Variants in GCLM observed in about 807,000 individuals in gnomAD.
GCLM encodes glutamate-cysteine ligase modifier subunit.
In GCLM, 15 loss-of-function variants were observed where a neutral mutation model predicts 36.0. The observed-to-expected ratio is 0.42, with a 90% confidence interval of 0.28 to 0.64. The LOEUF is 0.64. Ranked by LOEUF, GCLM falls within the 30% of genes least tolerant of loss-of-function variation. GCLM has a pLI of 0.25. For synonymous variants in GCLM, 129 were observed against 122.8 expected (o/e 1.05, Z -0.34); for missense variants, 242 against 325.5 (o/e 0.74, Z 1.97).
intron 6 of GCLM, among the ~76,000 whole-genome samples, chr1:93,890,523 C>A (rs966043506): frequency 1.3e-5 from 2 of 152,060 alleles, no homozygotes; most frequent in Non-Finnish European, 2.9e-5. Context: ...TCCATAAAAA[C>A]CCTTTCTAAA....
Position 93,894,653 on chromosome 1 carries a change from G to GT in GCLM, c.615dup (p.Gln206ThrfsTer3), listed in dbSNP as rs760114834. 1 of 1,608,644 alleles carries GT rather than the reference G, an allele frequency of 6.2e-7. No individual in the cohort carries two copies. The highest frequency in any genetic ancestry group is 8.5e-7 in the Non-Finnish European group (1 of 1,175,218). ...TGAGTCAACAGCTGTATGTCAAATT[G>GT]TTTAGCAAATGCAGTCAAATCTGGT... On this transcript the variant is annotated frameshift_variant, in exon 6 of 7. Transcript: ENST00000370238. LOFTEE classifies it high-confidence loss of function.
chr1:93,907,771 G>A (rs1657198330), intron 1 of GCLM, among the ~76,000 whole-genome samples: 2 of 152,194 alleles, frequency 1.3e-5, no homozygotes, highest in South Asian at 4.1e-4. Flanking sequence ...ATATGGTACA[G>A]ACTCAGATTC....
At chr1:93,899,709 T>C (rs1656875183) in intron 3 of GCLM, among the ~76,000 whole-genome samples, 1 of 152,180 alleles carries the variant, frequency 6.6e-6, no homozygotes, top group Admixed American at 6.5e-5. Flanking sequence ...CAACATAGGA[T>C]GCTATTATTA....
intron 5 of GCLM, 61 bp from the exon 6 acceptor site, chr1:93,894,789 A>G: frequency 1.3e-6 from 1 of 753,852 alleles, no homozygotes; most frequent in Non-Finnish European, 2.4e-6. Context: ...CAAAAGTAGA[A>G]AGCAATAAGC....
At chr1:93,894,959 A>AC (rs1373286212) in intron 5 of GCLM, among the ~76,000 whole-genome samples, 10 of 151,396 alleles carry the variant, frequency 6.6e-5, no homozygotes, top group Non-Finnish European at 1.5e-4. Flanking sequence ...TTCCCTATGT[A>AC]ATAGGGAAAG....
rs920893325 is a variant in GCLM at position 93,904,281 on chromosome 1, C to A, written c.192+242G>T. 58 of 462,262 alleles carry A rather than the reference C, an allele frequency of 1.3e-4. 3 individuals carry two copies. Among genetic ancestry groups the A allele is most frequent in the Admixed American group, 5.0e-4 (13 of 26,042 alleles). The allele number at this position is 462,262 out of a possible 1,614,324, so 28.6% of individuals were successfully genotyped here. On this transcript the variant is annotated intron_variant, in intron 2 of 6. Transcript: ENST00000370238. ...AAATAAAACACTGATAGTGAGGAAA[C>A]CATGGTGAGAATTAAGCATGAGAAT...
At position 93,901,577 on chromosome 1, in the gene GCLM, G is replaced by A; in HGVS notation, c.277+8C>T. On this transcript the variant is annotated splice_region_variant and intron_variant, in intron 3 of 6. Coordinates refer to ENST00000370238, the MANE Select transcript of GCLM (RefSeq NM_002061.4). Reference sequence around the variant, plus strand: ...GTAACAAAATAAACAGAAAAGACTGGACTTTACCAGAAACTTTCATTTCTT... The same window carrying A: ...GTAACAAAATAAACAGAAAAGACTGAACTTTACCAGAAACTTTCATTTCTT... The A allele has an allele frequency of 7.0e-7, 1 of 1,420,308 alleles. No individual in the cohort carries two copies. Among genetic ancestry groups the A allele is most frequent in the Non-Finnish European group, 9.9e-7 (1 of 1,006,920 alleles). 88.0% of individuals were successfully genotyped at this position (1,420,308 alleles called of 1,614,324 possible). A position where few individuals can be genotyped will look rare whatever the true frequency, so the allele number is the denominator to read the frequency against.
Position 93,894,697 on chromosome 1 carries a change from G to C in GCLM, c.572C>G (p.Ala191Gly). Residue 191 changes from alanine (A) to glycine (G), a missense_variant, in exon 6 of 7, where the codon GCC becomes GGC. By Grantham distance (60) the Ala-to-Gly change is moderately conservative. Coordinates refer to ENST00000370238, the MANE Select transcript of GCLM (RefSeq NM_002061.4). ...ATCTGGTGGCATCACACAGCAGGAGGCAAGATTAACTTGGTTACTATTTGG... is the reference window on the plus strand; with the variant it reads ...ATCTGGTGGCATCACACAGCAGGAGCCAAGATTAACTTGGTTACTATTTGG... ...VKPNSNQVNL[A>G]SCCVMPPDLT... The C allele has an allele frequency of 6.2e-7, 1 of 1,608,666 alleles. No individual in the cohort carries two copies. The highest frequency in any genetic ancestry group is 8.5e-7 in the Non-Finnish European group (1 of 1,175,320).
chr1:93,903,375 A>T (rs1215431346), intron 2 of GCLM, among the ~76,000 whole-genome samples: 1 of 151,552 alleles, frequency 6.6e-6, no homozygotes, highest in Non-Finnish European at 1.5e-5. Context: ...CAGTGGTGTG[A>T]TCTCAGCTCA....
Position 93,894,640 on chromosome 1 carries a change from T to G in GCLM, c.629A>C (p.Gln210Pro). ...TTTTGGATCATTGTGAGTCAACAGC[T>G]GTATGTCAAATTGTTTAGCAAATGC... ...LTAFAKQFDI[Q>P]LLTHNDPKEL... The change falls in exon 6 of 7, where the codon CAG becomes CCG. Residue 210 changes from glutamine (Q) to proline (P), a missense_variant. Gln to Pro is a moderately conservative substitution (Grantham distance 76, BLOSUM62 -1). Coordinates refer to ENST00000370238, the MANE Select transcript of GCLM (RefSeq NM_002061.4). 2 of 1,595,184 alleles carry G rather than the reference T, an allele frequency of 1.3e-6. No homozygotes were observed. The highest frequency in any genetic ancestry group is 1.7e-6 in the Non-Finnish European group (2 of 1,162,982).
chr1:93,897,506 AT>A (rs1047495283), intron 4 of GCLM, among the ~76,000 whole-genome samples: 1 of 149,722 alleles, frequency 6.7e-6, no homozygotes, highest in Non-Finnish European at 1.5e-5. Flanking sequence ...ATATACTTGG[AT>A]TTTTTTTGGA....
intron 2 of GCLM, among the ~76,000 whole-genome samples, chr1:93,903,784 G>A (rs1164391487): frequency 6.6e-6 from 1 of 152,088 alleles, no homozygotes; most frequent in Non-Finnish European, 1.5e-5. Flanking sequence ...ATCATACAAA[G>A]TAAACGGCAA....
At chr1:93,902,470 G>A (rs757389722) in intron 2 of GCLM, among the ~76,000 whole-genome samples, 12 of 150,988 alleles carry the variant, frequency 7.9e-5, no homozygotes, top group Non-Finnish European at 1.6e-4. Context: ...GAGCCACCGC[G>A]CCCAGCCTGT....
At chr1:93,906,784 T>C (rs1359163666) in intron 1 of GCLM, among the ~76,000 whole-genome samples, 1 of 152,184 alleles carries the variant, frequency 6.6e-6, no homozygotes, top group Non-Finnish European at 1.5e-5. Context: ...CCAATATCAC[T>C]GAGTATAAGC....
chr1:93,909,023 T>G lies in GCLM; in HGVS notation c.126+15A>C. On this transcript the variant is annotated intron_variant, in intron 1 of 6. Coordinates refer to ENST00000370238, the MANE Select transcript of GCLM (RefSeq NM_002061.4). ...CCTGCCCCGGGAGCCCCGCGGCGAG[T>G]GTCGCCACGCTCACCTCCTCGCTGT... The G allele has an allele frequency of 2.1e-6, 3 of 1,451,784 alleles. No homozygotes were observed. The highest frequency in any genetic ancestry group is 2.7e-6 in the Non-Finnish European group (3 of 1,106,328). 89.9% of individuals were successfully genotyped at this position (1,451,784 alleles called of 1,614,324 possible).
chr1:93,892,536 T>C (rs914006216), intron 6 of GCLM, among the ~76,000 whole-genome samples: 5 of 152,112 alleles, frequency 3.3e-5, no homozygotes, highest in African/African-American at 1.2e-4. Context: ...TCATTATAGA[T>C]TAAAGTGTCT....
intron 2 of GCLM, 119 bp downstream of exon 2, chr1:93,904,404 A>G: frequency 1.4e-6 from 1 of 711,100 alleles, no homozygotes. Context: ...CAAATCAACC[A>G]CAGAGAGTTT....
In GCLM at chr1:93,909,207, G is replaced by GGGCGGGCAGGCA; in HGVS notation, c.-56_-45dup. 1 of 1,160,792 alleles carries GGGCGGGCAGGCA rather than the reference G, an allele frequency of 8.6e-7. No homozygotes were observed. 71.9% of individuals were successfully genotyped at this position (1,160,792 alleles called of 1,614,324 possible). ...GCCGCGCAGCGAAGGGGCTGCGGGC[G>GGGCGGGCAGGCA]GGCGGGCAGGCAGGCGGCCGCCCCA... On this transcript the variant is annotated 5_prime_UTR_variant, in exon 1 of 7. Transcript: ENST00000370238.
chr1:93,900,937 T>C (rs1430664020), intron 3 of GCLM, among the ~76,000 whole-genome samples: 2 of 152,116 alleles, frequency 1.3e-5, no homozygotes, highest in African/African-American at 4.8e-5. Context: ...AAACTGAGAC[T>C]CAGGGAGGTT....
Sources: gnomAD v4.1 joint callset for allele counts (sites outside exome capture counted in the v4.1 genomes callset) on GRCh38, gnomAD v4.1.1 for gene constraint, MANE v1.5 for transcripts, NCBI Gene and HGNC (gene_info 2026-07-23, HGNC 2026-07-21) for gene names.